RUNX2: variants seen among roughly 807,000 people sequenced by gnomAD.
The protein encoded by RUNX2 is RUNX family transcription factor 2, also known as runt-related transcription factor 2.
Under a neutral mutation model 51.7 loss-of-function variants are expected in RUNX2, and 10 were observed. The observed-to-expected ratio is 0.19, with a 90% CI of 0.12 to 0.33. The LOEUF (loss-of-function observed/expected upper bound fraction) is 0.33. Ranked by LOEUF, RUNX2 falls within the 10% of genes least tolerant of loss-of-function variation. The pLI is 1.00. For synonymous variants in RUNX2, 276 were observed against 273.6 expected (o/e 1.01, Z -0.09); for missense variants, 562 against 691.3 (o/e 0.81, Z 2.10).
intron 7 of RUNX2, among the ~76,000 whole-genome samples, chr6:45,519,916 C>T (rs1801453437): frequency 6.6e-6 from 1 of 151,692 alleles, no homozygotes; most frequent in Admixed American, 6.6e-5. Flanking sequence ...CAACCTCTGC[C>T]TCCCAGATTC....
intron 2 of RUNX2, among the ~76,000 whole-genome samples, chr6:45,345,597 G>T (rs1007304298): frequency 2.0e-5 from 3 of 152,050 alleles, no homozygotes; most frequent in Non-Finnish European, 4.4e-5. Flanking sequence ...AAATCCCCAA[G>T]ACCTAACAAT....
intron 3 of RUNX2, among the ~76,000 whole-genome samples, chr6:45,429,831 C>T (rs572904122): frequency 1.7e-4 from 26 of 152,230 alleles, no homozygotes; most frequent in Non-Finnish European, 3.5e-4. Context: ...CGGTGGCTCA[C>T]GCCTGTAATC....
intron 5 of RUNX2, among the ~76,000 whole-genome samples, chr6:45,474,130 G>A (rs904267361): frequency 6.6e-6 from 1 of 151,836 alleles, no homozygotes; most frequent in Non-Finnish European, 1.5e-5. Context: ...CAAACCCTTA[G>A]TGCAGATTTA....
intron 5 of RUNX2, among the ~76,000 whole-genome samples, chr6:45,485,192 CTTTTTTTT>C (rs199954113): frequency 7.2e-6 from 1 of 139,346 alleles, no homozygotes; most frequent in African/African-American, 2.6e-5. Flanking sequence ...TTCTTTCTTT[CTTTTTTTT>C]TTTTTTTCTT....
At chr6:45,429,292 T>C (rs76783234) in intron 3 of RUNX2, among the ~76,000 whole-genome samples, 2 of 152,222 alleles carry the variant, frequency 1.3e-5, no homozygotes, top group African/African-American at 4.8e-5. Context: ...GGGTCCATAT[T>C]TACTTTGACA....
chr6:45,467,047 C>T (rs1168195069), intron 5 of RUNX2, among the ~76,000 whole-genome samples: 1 of 152,186 alleles, frequency 6.6e-6, no homozygotes, highest in Non-Finnish European at 1.5e-5. Context: ...GAGCCTCCTG[C>T]AGTCTGGCTT....
In RUNX2 at chr6:45,375,911, A is replaced by T. The variant is rs151220717; in HGVS notation, c.59-46682A>T. On this transcript the variant is annotated intron_variant, in intron 2 of 8. Coordinates refer to ENST00000647337, the MANE Select transcript of RUNX2 (RefSeq NM_001024630.4). Reference sequence around the variant, plus strand: ...CTAATTTCACTTATCTCTCCAAAAGATTTGGATAACCATAAAACTAGTTCT... The same window carrying T: ...CTAATTTCACTTATCTCTCCAAAAGTTTTGGATAACCATAAAACTAGTTCT... Among the ~76,000 whole-genome samples, 733 of 152,292 alleles carry T rather than the reference A, an allele frequency of 4.8e-3. 4 individuals carry two copies. Among genetic ancestry groups the T allele is most frequent in the African/African-American group, 0.017 (701 of 41,572 alleles).
At chr6:45,365,599 C>G (rs1480395715) in intron 2 of RUNX2, among the ~76,000 whole-genome samples, 1 of 149,178 alleles carries the variant, frequency 6.7e-6, no homozygotes, top group African/African-American at 2.5e-5. Flanking sequence ...TTTACTAGAG[C>G]TCATTGGTTT....
chr6:45,485,285 CT>C (rs1227297012), intron 5 of RUNX2, among the ~76,000 whole-genome samples: 2 of 151,532 alleles, frequency 1.3e-5, no homozygotes, highest in African/African-American at 4.8e-5. Context: ...TCACCGCAAC[CT>C]CTGCCTCCTG....
chr6:45,515,915 A>G (rs1405770972), intron 7 of RUNX2, among the ~76,000 whole-genome samples: 1 of 152,210 alleles, frequency 6.6e-6, no homozygotes, highest in African/African-American at 2.4e-5. Flanking sequence ...AAGATCCACC[A>G]GAAAGAACTG....
chr6:45,358,880 C>T (rs1310263653), intron 2 of RUNX2, among the ~76,000 whole-genome samples: 2 of 152,102 alleles, frequency 1.3e-5, no homozygotes, highest in Non-Finnish European at 2.9e-5. Context: ...GATCTACCAT[C>T]AAATTAGTTC....
intron 5 of RUNX2, among the ~76,000 whole-genome samples, chr6:45,454,299 T>C (rs1321296826): frequency 6.6e-6 from 1 of 152,206 alleles, no homozygotes; most frequent in African/African-American, 2.4e-5. Flanking sequence ...TTTATTCTCT[T>C]GTTAGGAAAA....
At chr6:45,545,597 T>C (rs946230237) in intron 8 of RUNX2, among the ~76,000 whole-genome samples, 5 of 152,158 alleles carry the variant, frequency 3.3e-5, no homozygotes, top group African/African-American at 1.2e-4. Flanking sequence ...TTCATTAAAG[T>C]CCTCAAGAAT....
intron 4 of RUNX2, among the ~76,000 whole-genome samples, chr6:45,435,399 C>T (rs1476845019): frequency 6.6e-6 from 1 of 152,110 alleles, no homozygotes; most frequent in Non-Finnish European, 1.5e-5. Context: ...ACTCTGCCAC[C>T]CAGGCTGGAG....
chr6:45,542,529 T>C (rs1802263550), intron 7 of RUNX2, among the ~76,000 whole-genome samples: 1 of 152,188 alleles, frequency 6.6e-6, no homozygotes, highest in Non-Finnish European at 1.5e-5. Flanking sequence ...ATCATACCCT[T>C]GACCTTGGTC....
chr6:45,493,234 A>C (rs1800541751), intron 6 of RUNX2, among the ~76,000 whole-genome samples: 1 of 152,186 alleles, frequency 6.6e-6, no homozygotes, highest in African/African-American at 2.4e-5. Context: ...AATAATATAG[A>C]ATTATAAAAA....
At chr6:45,499,332 G>T (rs1800734822) in intron 6 of RUNX2, among the ~76,000 whole-genome samples, 1 of 152,188 alleles carries the variant, frequency 6.6e-6, no homozygotes, top group African/African-American at 2.4e-5. Context: ...ACAGGAGGTT[G>T]CTAGTCACAA....
intron 7 of RUNX2, among the ~76,000 whole-genome samples, chr6:45,542,639 G>A (rs1310252165): frequency 6.6e-6 from 1 of 152,184 alleles, no homozygotes; most frequent in Non-Finnish European, 1.5e-5. Flanking sequence ...CCCAAAGATA[G>A]GAACTCTCAC....
At chr6:45,436,436 G>A (rs1798687982) in intron 4 of RUNX2, among the ~76,000 whole-genome samples, 1 of 152,150 alleles carries the variant, frequency 6.6e-6, no homozygotes, top group South Asian at 2.1e-4. Context: ...CAATGGGGGT[G>A]AGAGATCTAA....
Sources: allele counts gnomAD v4.1 joint callset (sites outside exome capture counted in the v4.1 genomes callset), GRCh38; gene constraint gnomAD v4.1.1; transcripts MANE v1.5; gene names NCBI Gene and HGNC (gene_info 2026-07-23, HGNC 2026-07-21).